SLC36A1: variants seen among roughly 807,000 people sequenced by gnomAD.
SLC36A1 encodes proton-coupled amino acid transporter 1.
In SLC36A1, 30 loss-of-function variants were observed where a neutral mutation model predicts 47.5. That is an observed-to-expected ratio of 0.63 (90% CI 0.47 to 0.86). The LOEUF (loss-of-function observed/expected upper bound fraction) is 0.86, where lower values mean the gene tolerates loss of function less well. Among genes scored for constraint, SLC36A1 ranks in the 40% least tolerant of loss-of-function variants. SLC36A1 has a pLI of 0.00. For synonymous variants in SLC36A1, 255 were observed against 249.7 expected, an observed-to-expected ratio of 1.02 and a Z score of -0.20; for missense variants, 517 against 606.0, an observed-to-expected ratio of 0.85 and a Z score of 1.54.
chr5:151,553,315 GC>G, the SLC36A1 span: 3 of 1,614,272 alleles, frequency 1.9e-6, no homozygotes, highest in Non-Finnish European at 2.5e-6. Context: ...GACGGCCGGG[GC>G]CAAGGGATCC....
chr5:151,451,128 G>A (rs1325237438), intron 1 of SLC36A1: 2 of 152,186 alleles, frequency 1.3e-5, no homozygotes, highest in Admixed American at 6.5e-5. Context: ...TGCATTTGGG[G>A]TTGTCTCTTC....
chr5:151,457,087 A>G (rs1340215892), intron 1 of SLC36A1, among the ~76,000 whole-genome samples: 2 of 152,006 alleles, frequency 1.3e-5, no homozygotes, highest in Non-Finnish European at 2.9e-5. Context: ...TTTTTATATT[A>G]ATGTACCCTT....
At chr5:151,544,338 C>A in the SLC36A1 span, 1 of 1,614,200 alleles carries the variant, frequency 6.2e-7, no homozygotes. Flanking sequence ...CATTGACATC[C>A]TCCACTAGGA....
chr5:151,345,428 A>G, the SLC36A1 span, among the ~76,000 whole-genome samples: 1 of 152,162 alleles, frequency 6.6e-6, no homozygotes, highest in Non-Finnish European at 1.5e-5. Flanking sequence ...GCTATTTTTA[A>G]AAGATGCTAT....
At chr5:151,389,696 A>G in the SLC36A1 span, among the ~76,000 whole-genome samples, 1 of 151,806 alleles carries the variant, frequency 6.6e-6, no homozygotes, top group African/African-American at 2.4e-5. Context: ...GCTGAGAATA[A>G]TGGTTTCCAG....
At chr5:151,498,091 C>T in the SLC36A1 span, among the ~76,000 whole-genome samples, 1 of 152,010 alleles carries the variant, frequency 6.6e-6, no homozygotes, top group African/African-American at 2.4e-5. Context: ...ATTACAGGCG[C>T]CTGCCACCAC....
chr5:151,496,684 T>G (rs1201120247), downstream of SLC36A1, among the ~76,000 whole-genome samples: 1 of 152,176 alleles, frequency 6.6e-6, no homozygotes, highest in Non-Finnish European at 1.5e-5. Context: ...GCCTCTCGAG[T>G]AGCTGGGACT....
chr5:151,505,250 G>A, the SLC36A1 span: 2 of 444,674 alleles, frequency 4.5e-6, no homozygotes, highest in Admixed American at 4.2e-5. Flanking sequence ...GGGACTGAGA[G>A]CCGGCAGATC....
intron 3 of SLC36A1, 40 bp downstream of exon 3, chr5:151,463,683 T>G (rs1755916349): frequency 1.4e-6 from 2 of 1,472,134 alleles, no homozygotes; most frequent in South Asian, 2.3e-5. Flanking sequence ...GTGACAAATT[T>G]TAGGAGGTAG....
At chr5:151,428,148 A>G in the SLC36A1 span, among the ~76,000 whole-genome samples, 1 of 152,092 alleles carries the variant, frequency 6.6e-6, no homozygotes, top group African/African-American at 2.4e-5. Context: ...CTCTCCTCCA[A>G]TCTTTCTAAT....
At chr5:151,465,410 G>A (rs1200763923) in intron 5 of SLC36A1, among the ~76,000 whole-genome samples, 10 of 152,178 alleles carry the variant, frequency 6.6e-5, no homozygotes, top group Admixed American at 6.5e-4. Flanking sequence ...ATGGTCTCTA[G>A]AGCCATTCCA....
chr5:151,398,199 T>C, the SLC36A1 span, among the ~76,000 whole-genome samples: 1 of 152,230 alleles, frequency 6.6e-6, no homozygotes, highest in East Asian at 1.9e-4. Flanking sequence ...AATCACCCTC[T>C]ACCTCTGCCT....
chr5:151,453,631 C>T (rs1395307318), intron 1 of SLC36A1, among the ~76,000 whole-genome samples: 1 of 152,090 alleles, frequency 6.6e-6, no homozygotes, highest in Non-Finnish European at 1.5e-5. Flanking sequence ...TCATCTAATG[C>T]AGTTTTCTCA....
upstream of SLC36A1, chr5:151,447,515 A>C (rs62377526): frequency 1.3e-5 from 2 of 152,188 alleles, no homozygotes; most frequent in African/African-American, 4.8e-5. Context: ...TGTGGAGCAG[A>C]GCTCCGGAGC....
chr5:151,366,759 A>T, the SLC36A1 span: 2 of 154,048 alleles, frequency 1.3e-5, no homozygotes, highest in Non-Finnish European at 2.9e-5. Flanking sequence ...ACCTGCCCCC[A>T]GTATCTCAAT....
the SLC36A1 span, among the ~76,000 whole-genome samples, chr5:151,430,350 A>G: frequency 6.1e-5 from 3 of 49,058 alleles, no homozygotes; most frequent in East Asian, 8.4e-4. Flanking sequence ...TTTTTTTGAG[A>G]CTGAGCCTCA....
chr5:151,401,335 A>C, the SLC36A1 span, among the ~76,000 whole-genome samples: 2 of 152,152 alleles, frequency 1.3e-5, no homozygotes, highest in East Asian at 3.8e-4. Flanking sequence ...CGTTGGTTGT[A>C]GGTGTGTGGC....
At chr5:151,400,457 G>A in the SLC36A1 span, among the ~76,000 whole-genome samples, 1 of 152,146 alleles carries the variant, frequency 6.6e-6, no homozygotes, top group Non-Finnish European at 1.5e-5. Context: ...GAACAGTGCT[G>A]TGTTGAACAT....
At chr5:151,364,326 T>G in the SLC36A1 span, among the ~76,000 whole-genome samples, 2 of 152,200 alleles carry the variant, frequency 1.3e-5, no homozygotes, top group African/African-American at 4.8e-5. Context: ...AATCCATACA[T>G]AGACCTTCAC....
Sources: gnomAD v4.1 joint callset for allele counts (sites outside exome capture counted in the v4.1 genomes callset) on GRCh38, gnomAD v4.1.1 for gene constraint, MANE v1.5 for transcripts, NCBI Gene and HGNC (gene_info 2026-07-23, HGNC 2026-07-21) for gene names.